Variants in TRDN observed in about 807,000 individuals in gnomAD.
The protein encoded by TRDN is triadin in skeletal muscle.
A neutral mutation model predicts 149.7 loss-of-function variants in TRDN; 161 were observed. The ratio of observed to expected loss-of-function variants is 1.08; its 90% CI spans 0.95 to 1.23. The LOEUF (loss-of-function observed/expected upper bound fraction) is 1.23. Among genes scored for constraint, TRDN ranks in the 50% most tolerant of loss-of-function variants. The pLI is 0.00. For synonymous variants in TRDN, 294 were observed against 250.5 expected (o/e 1.17, Z -1.64); for missense variants, 896 against 823.5 (o/e 1.09, Z -1.08).
intron 2 of TRDN, among the ~76,000 whole-genome samples, chr6:123,556,619 T>C (rs778511770): frequency 4.6e-5 from 7 of 151,966 alleles, no homozygotes; most frequent in Admixed American, 1.3e-4. Flanking sequence ...CTTCTTCCTC[T>C]TCCTCCTATT....
chr6:123,249,375 G>T (rs4339486), intron 38 of TRDN, among the ~76,000 whole-genome samples: 124,429 of 152,056 alleles, frequency 0.82, 51,438 homozygotes, highest in African/African-American at 0.9. Context: ...ATTATGGAGA[G>T]TTCTCAAAGA....
chr6:123,403,949 T>A (rs548884258), intron 12 of TRDN, among the ~76,000 whole-genome samples: 1 of 152,276 alleles, frequency 6.6e-6, no homozygotes, highest in African/African-American at 2.4e-5. Context: ...ATTATTGAAA[T>A]GATTCAGGTT....
chr6:123,472,139 C>T (rs1007701970), intron 9 of TRDN, among the ~76,000 whole-genome samples: 8 of 152,142 alleles, frequency 5.3e-5, no homozygotes, highest in African/African-American at 1.2e-4. Flanking sequence ...ACGCAGAAGA[C>T]GGGTGATTTC....
At chr6:123,328,467 T>C (rs897535699) in intron 23 of TRDN, among the ~76,000 whole-genome samples, 1 of 152,224 alleles carries the variant, frequency 6.6e-6, no homozygotes, top group African/African-American at 2.4e-5. Context: ...AACTGTATTA[T>C]TGTGGTTGTT....
At chr6:123,588,353 T>C (rs1018409335) in intron 1 of TRDN, among the ~76,000 whole-genome samples, 1 of 152,174 alleles carries the variant, frequency 6.6e-6, no homozygotes, top group Non-Finnish European at 1.5e-5. Context: ...CTTAAAAATC[T>C]CTGTTTTAAT....
intron 38 of TRDN, among the ~76,000 whole-genome samples, chr6:123,249,988 T>C (rs1776319128): frequency 6.6e-6 from 1 of 152,062 alleles, no homozygotes; most frequent in Non-Finnish European, 1.5e-5. Flanking sequence ...ATTTGATAAA[T>C]AAATTTAGTA....
At chr6:123,312,295 C>T (rs1778854394) in intron 24 of TRDN, among the ~76,000 whole-genome samples, 1 of 151,954 alleles carries the variant, frequency 6.6e-6, no homozygotes, top group Non-Finnish European at 1.5e-5. Context: ...ATTTATTCCG[C>T]CTCTTCGACT....
At chr6:123,294,800 C>T (rs1185481997) in intron 24 of TRDN, among the ~76,000 whole-genome samples, 1 of 152,100 alleles carries the variant, frequency 6.6e-6, no homozygotes, top group African/African-American at 2.4e-5. Context: ...CAAGTAAAAA[C>T]AGTGCTGGCA....
At chr6:123,492,650 A>C (rs905111966) in intron 9 of TRDN, among the ~76,000 whole-genome samples, 3 of 152,190 alleles carry the variant, frequency 2.0e-5, no homozygotes, top group Non-Finnish European at 4.4e-5. Context: ...AAGCCACACA[A>C]AATTGAAAAG....
chr6:123,551,440 AATCCAGATCAT>A (rs1283342846), intron 2 of TRDN, among the ~76,000 whole-genome samples: 2 of 151,246 alleles, frequency 1.3e-5, no homozygotes, highest in Non-Finnish European at 2.9e-5. Flanking sequence ...CTCACATCCA[AATCCAGATCAT>A]ATCAATGGAA....
chr6:123,464,960 G>A lies in TRDN; in HGVS notation c.877C>T (p.Pro293Ser). 29 of 1,599,486 alleles carry A rather than the reference G, an allele frequency of 1.8e-5. No individual in the cohort carries two copies. The highest frequency in any genetic ancestry group is 2.5e-5 in the Non-Finnish European group (29 of 1,172,686). The change falls in exon 10 of 41, where the codon CCC (proline) becomes TCC (serine). Residue 293 changes from proline (P) to serine (S), a missense_variant. Transcript: ENST00000334268. ...KPGQSPAIPP[P>S]LPTEQASRPT... ...CTGGAAGCTTGTTCTGTCGGTAAGG[G>A]AGGTGGAATGGCTGGGCTTTGTCCT...
intron 23 of TRDN, among the ~76,000 whole-genome samples, chr6:123,327,883 T>C (rs180815852): frequency 6.6e-6 from 1 of 152,324 alleles, no homozygotes; most frequent in East Asian, 1.9e-4. Context: ...TTATATTTAA[T>C]ATTTAAACAT....
intron 33 of TRDN, among the ~76,000 whole-genome samples, chr6:123,264,440 C>T (rs183432605): frequency 6.6e-5 from 10 of 152,056 alleles, no homozygotes; most frequent in Admixed American, 1.3e-4. Flanking sequence ...CTTGAACAGA[C>T]GAGGAGTTAT....
chr6:123,549,270 T>A (rs1781269400), intron 2 of TRDN, among the ~76,000 whole-genome samples: 1 of 152,032 alleles, frequency 6.6e-6, no homozygotes, highest in African/African-American at 2.4e-5. Flanking sequence ...ATATAAAATG[T>A]TTGCTAAATG....
intron 24 of TRDN, among the ~76,000 whole-genome samples, chr6:123,299,787 C>A (rs1253791176): frequency 1.3e-5 from 2 of 151,608 alleles, no homozygotes; most frequent in African/African-American, 4.8e-5. Flanking sequence ...ATACATTGAG[C>A]ATTAAAAATA....
intron 19 of TRDN, among the ~76,000 whole-genome samples, chr6:123,367,085 T>C (rs548129691): frequency 2.0e-5 from 3 of 151,996 alleles, no homozygotes; most frequent in African/African-American, 4.8e-5. Context: ...ATACTTAGAG[T>C]GGAAGACAGG....
At chr6:123,415,884 T>C (rs1051902597) in intron 12 of TRDN, among the ~76,000 whole-genome samples, 8 of 152,212 alleles carry the variant, frequency 5.3e-5, no homozygotes, top group Non-Finnish European at 1.0e-4. Context: ...CAGCGAATAC[T>C]TTAGTCGAGT....
intron 21 of TRDN, among the ~76,000 whole-genome samples, chr6:123,338,918 G>A (rs1384033482): frequency 1.3e-5 from 2 of 152,100 alleles, no homozygotes; most frequent in Non-Finnish European, 2.9e-5. Flanking sequence ...CTGAGAGTAC[G>A]CCATTTAGAT....
chr6:123,468,613 G>A (rs139538558), intron 9 of TRDN, among the ~76,000 whole-genome samples: 161 of 152,194 alleles, frequency 1.1e-3, no homozygotes, highest in African/African-American at 3.8e-3. Context: ...TCTTGTCAAG[G>A]TAGGAGGCTA....
Sources: gnomAD v4.1 joint callset for allele counts (sites outside exome capture counted in the v4.1 genomes callset) on GRCh38, gnomAD v4.1.1 for gene constraint, MANE v1.5 for transcripts, NCBI Gene and HGNC (gene_info 2026-07-23, HGNC 2026-07-21) for gene names.